The following TRIB1 variants were observed in gnomAD, a reference collection of about 807,000 sequenced individuals.
TRIB1 encodes the protein tribbles homolog 1.
TRIB1 carries 12 observed loss-of-function variants against 27.8 expected under a neutral mutation model. That is an observed-to-expected ratio of 0.43 (90% CI 0.28 to 0.70). The LOEUF (loss-of-function observed/expected upper bound fraction) is 0.70. Among genes scored for constraint, TRIB1 ranks in the 30% least tolerant of loss-of-function variants. The pLI is 0.18. For missense variants in TRIB1, 475 were observed against 515.8 expected (o/e 0.92, Z 0.77); for synonymous variants, 230 against 224.9 (o/e 1.02, Z -0.20).
rs1249544162 is a variant in TRIB1, at chr8:125,437,973, G to A, written c.*1502G>A. 1 of 152,814 alleles carries A rather than the reference G, an allele frequency of 6.5e-6. No homozygotes were observed. The highest frequency in any genetic ancestry group is 3.2e-3 in the Middle Eastern group (1 of 316). 9.5% of individuals were successfully genotyped at this position (152,814 alleles called of 1,614,324 possible). A position where few individuals can be genotyped will look rare whatever the true frequency, so the allele number is the denominator to read the frequency against. On this transcript the variant is annotated 3_prime_UTR_variant, in exon 3 of 3. Transcript: ENST00000311922. ...CCTAGGCAAACTACTAACATGCATT[G>A]TGAGAATGCCGTGTATACCTCACGT...
chr8:125,430,912 G>A lies in TRIB1; in HGVS notation c.10G>A (p.Gly4Ser). 1 of 1,445,182 alleles carries A rather than the reference G, an allele frequency of 6.9e-7. No homozygotes were observed. 89.5% of individuals were successfully genotyped at this position (1,445,182 alleles called of 1,614,324 possible). ...CCCGGCCCAGGACGGGATGCGGGTC[G>A]GTCCGGTGCGCTCTGCCATGAGCGG... MRV[G>S]PVRSAMSGAS... Residue 4 changes from glycine (G) to serine (S), a missense_variant, in exon 1 of 3, where the codon GGT (glycine) becomes AGT (serine). Coordinates refer to ENST00000311922, the MANE Select transcript of TRIB1 (RefSeq NM_025195.4).
At chr8:125,431,612 C>G (rs980350823) in intron 1 of TRIB1, among the ~76,000 whole-genome samples, 6 of 152,234 alleles carry the variant, frequency 3.9e-5, no homozygotes, top group African/African-American at 7.2e-5. Context: ...CTCCACCCCC[C>G]CTCCCCCGCC....
At position 125,438,033 on chromosome 8, in the gene TRIB1, A is replaced by G. The variant is rs1814783821; in HGVS notation, c.*1562A>G. 1 of 148,942 alleles carries G rather than the reference A, an allele frequency of 6.7e-6. No homozygotes were observed. Among genetic ancestry groups the G allele is most frequent in the African/African-American group, 2.5e-5 (1 of 39,702 alleles). 9.2% of individuals were successfully genotyped at this position (148,942 alleles called of 1,614,324 possible). A position where few individuals can be genotyped will look rare whatever the true frequency, so the allele number is the denominator to read the frequency against. On this transcript the variant is annotated 3_prime_UTR_variant, in exon 3 of 3. Transcript: ENST00000311922. ...TTTGTACATATATTTTACCTTTTAT[A>G]CCTATGTTCGATTTTGTTTTGTTTT...
Position 125,433,511 on chromosome 8 carries a change from C to G in TRIB1, c.555C>G (p.Leu185=), listed in dbSNP as rs1287251155. 6.2e-7 allele frequency: 1 copy of G among 1,614,112 alleles called. No homozygotes were observed. The highest frequency in any genetic ancestry group is 8.5e-7 in the Non-Finnish European group (1 of 1,180,040). ...TGCGGGAAGAGGAAGCCGCCCGGCT[C>G]TTCAAGCAGATTGTCTCCGCCGTCG... The part of the protein sequence containing the change: ...KRLREEEAAR[L]FKQIVSAVAH... The change falls in exon 2 of 3, where the codon CTC becomes CTG. Residue 185 remains leucine (L), a synonymous_variant. Transcript: ENST00000311922. This position sits in a 1 kb window ranked among gnomAD's most constrained non-coding sequence, Gnocchi z 4.4.
chr8:125,430,710 C>A lies in TRIB1; in HGVS notation c.-193C>A. The A allele has an allele frequency of 1.5e-6, 1 of 677,066 alleles. No homozygotes were observed. Among genetic ancestry groups the A allele is most frequent in the Non-Finnish European group, 2.1e-6 (1 of 469,816 alleles). The allele number at this position is 677,066 out of a possible 1,614,324, so 41.9% of individuals were successfully genotyped here. ...CTCCGCCTCCCGGACGCACAGCCAG[C>A]GTGGTCCCCGCGTGCAACGCGAGCG... On this transcript the variant is annotated 5_prime_UTR_variant, in exon 1 of 3. Transcript: ENST00000311922.
intron 1 of TRIB1, among the ~76,000 whole-genome samples, chr8:125,431,999 C>T (rs1814664242): frequency 2.0e-5 from 3 of 152,194 alleles, no homozygotes; most frequent in Admixed American, 2.0e-4. Flanking sequence ...TCCGCCGGGT[C>T]CTCCTCCTGC....
Position 125,431,088 on chromosome 8 carries a change from C to G in TRIB1, c.186C>G (p.Pro62=). The G allele has an allele frequency of 1.4e-6, 2 of 1,383,304 alleles. No homozygotes were observed. The highest frequency in any genetic ancestry group is 1.9e-6 in the Non-Finnish European group (2 of 1,074,642). 85.7% of individuals were successfully genotyped at this position (1,383,304 alleles called of 1,614,324 possible). A position where few individuals can be genotyped will look rare whatever the true frequency, so the allele number is the denominator to read the frequency against. Residue 62 remains proline (P), a synonymous_variant, in exon 1 of 3, where the codon CCC becomes CCG. Transcript: ENST00000311922. ...ECSSPPDYLS[P]PGSPCSPQPP... ...CCAGCCCCCCGGACTACCTCAGCCCCCCCGGCTCGCCCTGCAGCCCGCAGC... is the reference window on the plus strand; with the variant it reads ...CCAGCCCCCCGGACTACCTCAGCCCGCCCGGCTCGCCCTGCAGCCCGCAGC...
At chr8:125,432,219 A>T (rs1814668355) in intron 1 of TRIB1, 2 of 984,648 alleles carry the variant, frequency 2.0e-6, no homozygotes. Flanking sequence ...CTACTGCCCA[A>T]CCCGAATGAA....
intron 1 of TRIB1, among the ~76,000 whole-genome samples, chr8:125,432,520 G>C (rs571609828): frequency 1.3e-5 from 2 of 152,094 alleles, no homozygotes; most frequent in Admixed American, 6.5e-5. Flanking sequence ...GTTTCCAGTT[G>C]AGTCTAGGAT....
rs1814696178 is a variant in TRIB1, at chr8:125,433,448, T to C, written c.492T>C (p.Phe164=). Residue 164 remains phenylalanine (F), a synonymous_variant, in exon 2 of 3, where the codon TTT becomes TTC. Transcript: ENST00000311922. This position sits in a 1 kb window ranked among gnomAD's most constrained non-coding sequence, Gnocchi z 4.4. ...TKAYVFFEKD[F]GDMHSYVRSR... ...CCTATGTCTTCTTTGAGAAGGACTT[T>C]GGGGACATGCACTCCTATGTGCGAA... is the stretch of plus-strand genomic sequence containing the variant. 1.2e-6 allele frequency: 2 copies of C among 1,614,220 alleles called. No individual in the cohort carries two copies. The highest frequency in any genetic ancestry group is 1.7e-5 in the Admixed American group (1 of 60,026).
intron 1 of TRIB1, chr8:125,432,277 C>A (rs1162707751): frequency 1.1e-6 from 1 of 916,804 alleles, no homozygotes; most frequent in South Asian, 5.2e-5. Flanking sequence ...GAAAAAAAAA[C>A]CTTTTCTTCT....
At chr8:125,431,857 GAGT>G (rs1024438371) in intron 1 of TRIB1, among the ~76,000 whole-genome samples, 1 of 152,248 alleles carries the variant, frequency 6.6e-6, no homozygotes, top group Non-Finnish European at 1.5e-5. Context: ...AATCTGCTCG[GAGT>G]AGAAATGTTG....
chr8:125,437,385 A>G lies in TRIB1; in HGVS notation c.*914A>G, dbSNP rs1814774061. ...AAGAAAGATAAGGAGGCTCCCACCC[A>G]CCTCTCCCAAGAGCAGACATTAAAC... On this transcript the variant is annotated 3_prime_UTR_variant, in exon 3 of 3. Transcript: ENST00000311922. 1 of 152,326 alleles carries G rather than the reference A, an allele frequency of 6.6e-6. No homozygotes were observed. Among genetic ancestry groups the G allele is most frequent in the Non-Finnish European group, 1.5e-5 (1 of 68,034 alleles). 9.4% of individuals were successfully genotyped at this position (152,326 alleles called of 1,614,324 possible).
chr8:125,436,589 T>C lies in TRIB1; in HGVS notation c.*118T>C. Reference sequence around the variant, plus strand: ...ATGACTGCATCAGGATGAAAGCTGCTGAACTCGGCATGGCGCCTCCTCTTC... The same window carrying C: ...ATGACTGCATCAGGATGAAAGCTGCCGAACTCGGCATGGCGCCTCCTCTTC... On this transcript the variant is annotated 3_prime_UTR_variant, in exon 3 of 3. Transcript: ENST00000311922. 1 of 974,716 alleles carries C rather than the reference T, an allele frequency of 1.0e-6. No homozygotes were observed. The highest frequency in any genetic ancestry group is 1.6e-5 in the South Asian group (1 of 61,532). The allele number at this position is 974,716 out of a possible 1,614,324, so 60.4% of individuals were successfully genotyped here.
In TRIB1 at chr8:125,436,652, T is replaced by C. The variant is rs1814757057; in HGVS notation, c.*181T>C. The C allele has an allele frequency of 3.1e-6, 2 of 648,012 alleles. No homozygotes were observed. The highest frequency in any genetic ancestry group is 2.9e-5 in the Admixed American group (1 of 33,916). 40.1% of individuals were successfully genotyped at this position (648,012 alleles called of 1,614,324 possible). On this transcript the variant is annotated 3_prime_UTR_variant, in exon 3 of 3. Coordinates refer to ENST00000311922, the MANE Select transcript of TRIB1 (RefSeq NM_025195.4). ...AGTGACTTTATTGATTTGAGCAGCA[T>C]ATGCTGTGATTGGCTGCCCTGCAAA...
At chr8:125,432,185 C>A (rs144842276) in intron 1 of TRIB1, 1 of 948,654 alleles carries the variant, frequency 1.1e-6, no homozygotes, top group Non-Finnish European at 1.3e-6. Flanking sequence ...ACCCCGACCC[C>A]GTCCCGGGGC....
chr8:125,430,839 C>T lies in TRIB1; in HGVS notation c.-64C>T, dbSNP rs1268762372. 13 of 1,357,504 alleles carry T rather than the reference C, an allele frequency of 9.6e-6. No individual in the cohort carries two copies. The highest frequency in any genetic ancestry group is 1.7e-5 in the South Asian group (1 of 57,798). 84.1% of individuals were successfully genotyped at this position (1,357,504 alleles called of 1,614,324 possible). On this transcript the variant is annotated 5_prime_UTR_variant, in exon 1 of 3. Coordinates refer to ENST00000311922, the MANE Select transcript of TRIB1 (RefSeq NM_025195.4). ...GAAGTCGCGGAGCCGGCACCAAACC[C>T]GCAGCGTCTTCCCGCGCGGATCCCG... is the stretch of plus-strand genomic sequence containing the variant.
Position 125,436,172 on chromosome 8 carries a change from C to A in TRIB1, c.820C>A (p.Leu274Ile). The A allele has an allele frequency of 1.2e-6, 2 of 1,613,914 alleles. No homozygotes were observed. The highest frequency in any genetic ancestry group is 2.7e-5 in the African/African-American group (2 of 74,922). Residue 274 changes from leucine to isoleucine, a missense_variant, in exon 3 of 3, where the codon CTC becomes ATC. Coordinates refer to ENST00000311922, the MANE Select transcript of TRIB1 (RefSeq NM_025195.4). ...GGACGTTTGGAGCCTGGGGGTGATG[C>A]TCTACACCCTTCTGGTTGGACGATA... ...AADVWSLGVM[L>I]YTLLVGRYPF...
rs1183456947 is a variant in TRIB1 at position 125,430,619 on chromosome 8, G to C, written c.-284G>C. On this transcript the variant is annotated 5_prime_UTR_variant, in exon 1 of 3. Transcript: ENST00000311922. ...ACTATCGGCAGCCTCGGCAACAATA[G>C]TGGCGGCCGCCCCCAGCGAGGCTCC... 1.7e-5 allele frequency: 6 copies of C among 343,214 alleles called. No individual in the cohort carries two copies. The highest frequency in any genetic ancestry group is 2.7e-5 in the Non-Finnish European group (5 of 188,672). 21.3% of individuals were successfully genotyped at this position (343,214 alleles called of 1,614,324 possible). A position where few individuals can be genotyped will look rare whatever the true frequency, so the allele number is the denominator to read the frequency against.
Sources: allele counts gnomAD v4.1 joint callset (sites outside exome capture counted in the v4.1 genomes callset), GRCh38; gene constraint gnomAD v4.1.1; non-coding constraint Gnocchi (gnomAD v3.1); transcripts MANE v1.5; gene names NCBI Gene and HGNC (gene_info 2026-07-23, HGNC 2026-07-21).